FBN3: variants seen among roughly 807,000 people sequenced by gnomAD.
FBN3 encodes fibrillin-3.
FBN3 carries 234 observed loss-of-function variants against 330.1 expected under a neutral mutation model. The ratio of observed to expected loss-of-function variants is 0.71; its 90% CI spans 0.64 to 0.79. The LOEUF (loss-of-function observed/expected upper bound fraction) is 0.79, where lower values mean the gene tolerates loss of function less well. Among genes scored for constraint, FBN3 ranks in the 30% least tolerant of loss-of-function variants. FBN3 has a pLI of 0.00. For synonymous variants in FBN3, 1,458 were observed against 1,517.3 expected (o/e 0.96, Z 0.91); for missense variants, 3,606 against 3,886.9 (o/e 0.93, Z 1.92).
intron 48 of FBN3, among the ~76,000 whole-genome samples, chr19:8,090,505 AT>A (rs1380536358): frequency 2.2e-5 from 3 of 136,154 alleles, no homozygotes; most frequent in Non-Finnish European, 4.7e-5. Flanking sequence ...TTTTTTTCAG[AT>A]GGAGTCTTCC....
At chr19:8,105,414 T>C (rs2082418550) in intron 38 of FBN3, among the ~76,000 whole-genome samples, 1 of 151,982 alleles carries the variant, frequency 6.6e-6, no homozygotes, top group Admixed American at 6.6e-5. Flanking sequence ...TGAGTCACCA[T>C]GCCCAGCTAT....
chr19:8,147,266 G>A (rs1248636515), intron 2 of FBN3, 48 bp downstream of exon 2: 3 of 1,568,050 alleles, frequency 1.9e-6, no homozygotes, highest in Middle Eastern at 1.7e-4. Flanking sequence ...CCCCAGGACA[G>A]CCCAATCCAC....
chr19:8,066,093 C>T lies in FBN3; in HGVS notation c.8256G>A (p.Met2752Ile). The T allele has an allele frequency of 6.2e-7, 1 of 1,613,514 alleles. No homozygotes were observed. The highest frequency in any genetic ancestry group is 8.5e-7 in the Non-Finnish European group (1 of 1,179,992). The change falls in exon 64 of 64, where the codon ATG becomes ATA. Residue 2752 changes from methionine (M) to isoleucine (I), a missense_variant. By Grantham distance (10) the Met-to-Ile change is conservative (BLOSUM62 1). Coordinates refer to ENST00000600128, the MANE Select transcript of FBN3 (RefSeq NM_032447.5). The part of the protein sequence containing the change: ...VRGNEQGFFR[M>I]HHLRGVSSLQ... ...GGGAGCTGACGCCACGGAGGTGATGCATGCGAAAGAAACCTTGCTCGTTTC... is the reference window on the plus strand; with the variant it reads ...GGGAGCTGACGCCACGGAGGTGATGTATGCGAAAGAAACCTTGCTCGTTTC...
chr19:8,135,936 G>GGGGGGGGGGGGCGCCCCCCCCCCC, intron 13 of FBN3, 25 bp downstream of exon 13: 1 of 668,772 alleles, frequency 1.5e-6, no homozygotes, highest in Non-Finnish European at 2.4e-6. Context: ...GGAAGCCCCT[G>GGGGGGGGGGGGCGCCCCCCCCCCC]CCCACCCGCC....
intron 63 of FBN3, 44 bp from the exon 64 acceptor site, chr19:8,066,304 G>C (rs911154496): frequency 2.8e-6 from 4 of 1,407,638 alleles, no homozygotes; most frequent in South Asian, 1.4e-5. Flanking sequence ...CAGGAGAATC[G>C]GGATGTGGTG....
intron 25 of FBN3, among the ~76,000 whole-genome samples, chr19:8,119,557 A>G (rs2082788991): frequency 6.6e-6 from 1 of 152,108 alleles, no homozygotes; most frequent in Non-Finnish European, 1.5e-5. Context: ...TCTGTTGCCC[A>G]AGCTGGAGTG....
chr19:8,128,940 G>A (rs1475788971), intron 18 of FBN3, 88 bp downstream of exon 18: 6 of 1,486,020 alleles, frequency 4.0e-6, no homozygotes, highest in Non-Finnish European at 5.5e-6. Context: ...CTTTGAGCGT[G>A]TGCATGCCTG....
intron 47 of FBN3, 46 bp downstream of exon 47, chr19:8,094,400 G>GAGGC: frequency 3.8e-6 from 6 of 1,573,964 alleles, no homozygotes; most frequent in Non-Finnish European, 4.3e-6. Flanking sequence ...TGGAGAAAGA[G>GAGGC]AGGCACTCCC....
intron 47 of FBN3, among the ~76,000 whole-genome samples, chr19:8,092,690 A>C (rs2082121839): frequency 8.4e-6 from 1 of 119,158 alleles, no homozygotes. Context: ...AGTCTGGGTG[A>C]CAGAGTGAGA....
Position 8,131,857 on chromosome 19 carries a change from G to A in FBN3, c.1715-28C>T, listed in dbSNP as rs2083158107. 2 of 1,539,322 alleles carry A rather than the reference G, an allele frequency of 1.3e-6. No individual in the cohort carries two copies. Among genetic ancestry groups the A allele is most frequent in the African/African-American group, 1.4e-5 (1 of 73,404 alleles). On this transcript the variant is annotated intron_variant, in intron 14 of 63. Coordinates refer to ENST00000600128, the MANE Select transcript of FBN3 (RefSeq NM_032447.5). This position sits in a 1 kb window ranked among gnomAD's most constrained non-coding sequence, Gnocchi z 4.5. ...GCAGAAGCAGTGGCGGCACGGGGAT[G>A]GGTTCCAGCGTGCTCCCTTCCTCTC...
chr19:8,096,504 T>C lies in FBN3; in HGVS notation c.5479A>G (p.Ser1827Gly). 1 of 1,614,004 alleles carries C rather than the reference T, an allele frequency of 6.2e-7. No homozygotes were observed. Among genetic ancestry groups the C allele is most frequent in the Non-Finnish European group, 8.5e-7 (1 of 1,179,956 alleles). Residue 1827 changes from serine to glycine, a missense_variant, in exon 44 of 64, where the codon AGC becomes GGC. By Grantham distance (56) the Ser-to-Gly change is moderately conservative. Coordinates refer to ENST00000600128, the MANE Select transcript of FBN3 (RefSeq NM_032447.5). This position sits in a 1 kb window ranked among gnomAD's most constrained non-coding sequence, Gnocchi z 4.6. ...SHGDCMDTEG[S>G]YMCLCHRGFQ... The stretch of plus-strand genomic sequence containing the variant: ...CCACGGTGACACAGACACATGTAGC[T>C]GCCTTCTGTGTCCATGCAGTCACCA...
chr19:8,131,586 T>C lies in FBN3; in HGVS notation c.1958A>G (p.Glu653Gly). ...CCANPDHGFG[E>G]PCQLCPAKDS... ...TTTGGCAGGACAAAGCTGGCAGGGC[T>C]CCCCAAAACCGTGGTCCGGATTGGC... Residue 653 changes from glutamate (E) to glycine (G), a missense_variant, in exon 15 of 64, where the codon GAG becomes GGG. By Grantham distance (98) the Glu-to-Gly change is moderately conservative. Transcript: ENST00000600128. The surrounding 1 kb of genome is among the most constrained non-coding windows in gnomAD (Gnocchi z 4.5). 1 of 1,612,374 alleles carries C rather than the reference T, an allele frequency of 6.2e-7. No individual in the cohort carries two copies. Among genetic ancestry groups the C allele is most frequent in the South Asian group, 1.1e-5 (1 of 90,926 alleles).
At chr19:8,145,634 T>A (rs1231655172) in intron 5 of FBN3, among the ~76,000 whole-genome samples, 1 of 146,976 alleles carries the variant, frequency 6.8e-6, no homozygotes, top group East Asian at 2.0e-4. Context: ...TAAGCCGAGA[T>A]CTTGCCACTG....
At chr19:8,138,361 T>C in intron 9 of FBN3, 38 bp from the exon 10 acceptor site, 1 of 1,609,048 alleles carries the variant, frequency 6.2e-7, no homozygotes, top group Non-Finnish European at 8.5e-7. Context: ...CCCTTGGCCC[T>C]CCCCTGTCCC....
intron 56 of FBN3, among the ~76,000 whole-genome samples, chr19:8,084,309 C>T (rs1329869996): frequency 6.6e-6 from 1 of 152,164 alleles, no homozygotes; most frequent in Non-Finnish European, 1.5e-5. Context: ...GTGTATACTT[C>T]TCACCCAGCT....
chr19:8,127,048 G>GTTTTT lies in FBN3; in HGVS notation c.2297-221_2297-217dup, dbSNP rs140844932. ...TGTAAGAGACAGGAAATGCCAAACT[G>GTTTTT]TTTTTTTTTTGTTTTTTTTTTTTTT... is the stretch of plus-strand genomic sequence containing the variant. On this transcript the variant is annotated intron_variant, in intron 18 of 63. Transcript: ENST00000600128. 5.9e-4 allele frequency among the ~76,000 whole-genome samples: 67 copies of GTTTTT among 113,900 alleles called. 1 individual carries two copies. Among genetic ancestry groups the GTTTTT allele is most frequent in the African/African-American group, 1.9e-3 (62 of 31,944 alleles). The allele number at this position is 113,900 out of a possible 152,430, so 74.7% of individuals were successfully genotyped here.
In FBN3 at chr19:8,126,596, T is replaced by C; in HGVS notation, c.2426A>G (p.Lys809Arg). 4 of 1,609,826 alleles carry C rather than the reference T, an allele frequency of 2.5e-6. No homozygotes were observed. Among genetic ancestry groups the C allele is most frequent in the Non-Finnish European group, 3.4e-6 (4 of 1,179,868 alleles). The change falls in exon 20 of 64, where the codon AAG becomes AGG. Residue 809 changes from lysine to arginine, a missense_variant. Coordinates refer to ENST00000600128, the MANE Select transcript of FBN3 (RefSeq NM_032447.5). ...CTGGATCTTCAGCCAGCAGGTGCCC[T>C]TGGTGCTGTCTGGGGAGAAGAGGCG... ...PSGTFCLDST[K>R]GTCWLKIQES...
chr19:8,075,096 C>T lies in FBN3; in HGVS notation c.7677G>A (p.Gln2559=), dbSNP rs749313245. The T allele has an allele frequency of 3.8e-6, 6 of 1,599,772 alleles. No homozygotes were observed. In the South Asian group the frequency reaches 4.5e-5, roughly 12 times the overall value. ...YRCSCPQGFT[Q]HSQWAQCVDE... ...CCACACACTGGGCCCACTGGGAGTG[C>T]TGGGTGAAACCCTGGGGGCAGCTGC... The change falls in exon 61 of 64, where the codon CAG becomes CAA. Residue 2559 remains glutamine, a synonymous_variant. Transcript: ENST00000600128.
chr19:8,113,354 C>G (rs1284049780), intron 30 of FBN3, among the ~76,000 whole-genome samples: 1 of 152,188 alleles, frequency 6.6e-6, no homozygotes, highest in Non-Finnish European at 1.5e-5. Flanking sequence ...TCACTGCAGC[C>G]TGGATCTCCT....
Sources: allele counts gnomAD v4.1 joint callset (sites outside exome capture counted in the v4.1 genomes callset), GRCh38; gene constraint gnomAD v4.1.1; non-coding constraint Gnocchi (gnomAD v3.1); transcripts MANE v1.5; gene names NCBI Gene and HGNC (gene_info 2026-07-23, HGNC 2026-07-21).